DCAF10: variants seen among roughly 807,000 people sequenced by gnomAD.
DCAF10 encodes the protein DDB1 and CUL4 associated factor 10.
Under a neutral mutation model 51.9 loss-of-function variants are expected in DCAF10, and 19 were observed. That is an observed-to-expected ratio of 0.37 (90% confidence interval 0.26 to 0.54). The LOEUF (loss-of-function observed/expected upper bound fraction) is 0.54, where lower values mean the gene tolerates loss of function less well. Ranked by LOEUF, DCAF10 falls within the 20% of genes least tolerant of loss-of-function variation. DCAF10 has a pLI of 0.87. For synonymous variants in DCAF10, 291 were observed against 297.1 expected (o/e 0.98, Z 0.21); for missense variants, 510 against 730.6 (o/e 0.70, Z 3.48).
intron 3 of DCAF10, among the ~76,000 whole-genome samples, chr9:37,845,283 T>C (rs1038512400): frequency 6.6e-6 from 1 of 152,152 alleles, no homozygotes; most frequent in Non-Finnish European, 1.5e-5. Context: ...AATGAAAATA[T>C]AATAGAGGAT....
intron 3 of DCAF10, among the ~76,000 whole-genome samples, chr9:37,852,208 T>C (rs544135534): frequency 6.6e-6 from 1 of 152,254 alleles, no homozygotes; most frequent in South Asian, 2.1e-4. Context: ...TCACAAATAG[T>C]AACAATGGAA....
upstream of DCAF10, chr9:37,800,733 G>T (rs967348034): frequency 1.3e-6 from 2 of 1,534,644 alleles, no homozygotes; most frequent in Non-Finnish European, 1.7e-6. Flanking sequence ...CCCGGCGGAC[G>T]GTGGCCGAGG....
intron 2 of DCAF10, among the ~76,000 whole-genome samples, chr9:37,820,988 A>C (rs939000195): frequency 6.6e-6 from 1 of 152,036 alleles, no homozygotes; most frequent in African/African-American, 2.4e-5. Flanking sequence ...AAGTAAGTCT[A>C]TCTCCACCTC....
At chr9:37,821,090 C>CATATATATATAT (rs144524647) in intron 2 of DCAF10, among the ~76,000 whole-genome samples, 35 of 150,444 alleles carry the variant, frequency 2.3e-4, no homozygotes, top group African/African-American at 8.3e-4. Flanking sequence ...CATATACAAA[C>CATATATATATAT]ATATATATAT....
intron 5 of DCAF10, among the ~76,000 whole-genome samples, chr9:37,859,730 TA>T (rs1449849895): frequency 6.6e-6 from 1 of 152,202 alleles, no homozygotes; most frequent in Non-Finnish European, 1.5e-5. Context: ...CTTACTTAAA[TA>T]AAGAGCTTTC....
At chr9:37,823,962 C>A (rs1206412736) in intron 2 of DCAF10, among the ~76,000 whole-genome samples, 1 of 149,230 alleles carries the variant, frequency 6.7e-6, no homozygotes, top group East Asian at 2.0e-4. Context: ...CTCACTGCAA[C>A]CTCTATCTCC....
intron 3 of DCAF10, among the ~76,000 whole-genome samples, chr9:37,845,566 T>C (rs1830449496): frequency 6.6e-6 from 1 of 152,198 alleles, no homozygotes; most frequent in South Asian, 2.1e-4. Context: ...AGCCAATATG[T>C]ACTGGTTCAG....
chr9:37,855,031 CATAGAG>C, intron 4 of DCAF10, 49 bp downstream of exon 4: 1 of 1,507,180 alleles, frequency 6.6e-7, no homozygotes, highest in Non-Finnish European at 9.0e-7. Context: ...GAATCTCAAA[CATAGAG>C]ATGGTATAGG....
intron 3 of DCAF10, among the ~76,000 whole-genome samples, chr9:37,853,186 A>G (rs1830739492): frequency 6.6e-6 from 1 of 151,074 alleles, no homozygotes; most frequent in Admixed American, 6.6e-5. Flanking sequence ...AGAACAATAA[A>G]AAGCGAGAGC....
chr9:37,834,236 C>A (rs990170603), intron 2 of DCAF10, among the ~76,000 whole-genome samples: 1 of 152,064 alleles, frequency 6.6e-6, no homozygotes, highest in Non-Finnish European at 1.5e-5. Context: ...CTGTGCCCAG[C>A]CATCTTTTTT....
At chr9:37,828,048 T>C (rs1171303612) in intron 2 of DCAF10, among the ~76,000 whole-genome samples, 2 of 152,062 alleles carry the variant, frequency 1.3e-5, no homozygotes, top group South Asian at 4.2e-4. Flanking sequence ...CACCCCTGGC[T>C]ATTAAAAAAA....
At chr9:37,808,694 T>A (rs1407475693) in intron 1 of DCAF10, among the ~76,000 whole-genome samples, 1 of 109,648 alleles carries the variant, frequency 9.1e-6, no homozygotes, top group African/African-American at 3.9e-5. Flanking sequence ...TAAATATATA[T>A]TTATATATTT....
At chr9:37,851,553 G>C (rs10123596) in intron 3 of DCAF10, among the ~76,000 whole-genome samples, 3,474 of 151,532 alleles carry the variant, frequency 0.023, 124 homozygotes, top group African/African-American at 0.079. Context: ...CCAGCACTTT[G>C]GGAGGCCGAG....
chr9:37,857,554 G>T (rs1057066674), intron 5 of DCAF10, among the ~76,000 whole-genome samples: 2 of 152,146 alleles, frequency 1.3e-5, no homozygotes, highest in African/African-American at 4.8e-5. Flanking sequence ...AATCTTAATA[G>T]AACTTGAGCT....
At chr9:37,825,729 A>T (rs552841903) in intron 2 of DCAF10, among the ~76,000 whole-genome samples, 26 of 152,296 alleles carry the variant, frequency 1.7e-4, no homozygotes, top group African/African-American at 3.1e-4. Context: ...TTAAAAATTT[A>T]AAAAAGTGGC....
intron 4 of DCAF10, among the ~76,000 whole-genome samples, chr9:37,856,162 G>A (rs1433584374): frequency 6.6e-6 from 1 of 151,920 alleles, no homozygotes. Flanking sequence ...CCAAAAAAAA[G>A]GAAATGAAAA....
At chr9:37,845,852 T>C (rs1830458535) in intron 3 of DCAF10, among the ~76,000 whole-genome samples, 1 of 152,120 alleles carries the variant, frequency 6.6e-6, no homozygotes, top group African/African-American at 2.4e-5. Flanking sequence ...GCCACAGCCA[T>C]TAAAGAAATG....
At chr9:37,842,047 A>G in intron 2 of DCAF10, 42 bp from the exon 3 acceptor site, 1 of 1,565,898 alleles carries the variant, frequency 6.4e-7, no homozygotes, top group Non-Finnish European at 8.6e-7. Context: ...TCCTTTAAAA[A>G]GAGATTAAAT....
rs1187858715 is a variant in DCAF10 at position 37,865,260 on chromosome 9, T to C, written c.*3752T>C. 6.6e-6 allele frequency: 1 copy of C among 151,824 alleles called. No homozygotes were observed. The highest frequency in any genetic ancestry group is 2.4e-5 in the African/African-American group (1 of 41,294). 9.4% of individuals were successfully genotyped at this position (151,824 alleles called of 1,614,324 possible). A position where few individuals can be genotyped will look rare whatever the true frequency, so the allele number is the denominator to read the frequency against. ...AAAGAAAAATTAAGGATAAACGGCA[T>C]TGTGAAAAAAAACCGAGCCACACAG... On this transcript the variant is annotated 3_prime_UTR_variant, in exon 7 of 7. Transcript: ENST00000377724.
Sources: gnomAD v4.1 joint callset for allele counts (sites outside exome capture counted in the v4.1 genomes callset) on GRCh38, gnomAD v4.1.1 for gene constraint, MANE v1.5 for transcripts, NCBI Gene and HGNC (gene_info 2026-07-23, HGNC 2026-07-21) for gene names.